Variants in N4BP2L1 observed in about 807,000 individuals in gnomAD.
N4BP2L1 encodes the protein NEDD4 binding protein 2 like 1.
In N4BP2L1, 12 loss-of-function variants were observed where a neutral mutation model predicts 21.2. The observed-to-expected ratio is 0.57, with a 90% CI of 0.36 to 0.92. The LOEUF is 0.92. N4BP2L1 is among the 40% of genes least tolerant of loss of function. The pLI, the probability that N4BP2L1 is intolerant of heterozygous loss-of-function variation, is 0.01. For missense variants in N4BP2L1, 259 were observed against 310.6 expected, an observed-to-expected ratio of 0.83 and a Z score of 1.25; for synonymous variants, 104 against 112.8, an observed-to-expected ratio of 0.92 and a Z score of 0.49.
chr13:32,413,932 A>T lies in N4BP2L1; in HGVS notation c.180-6160T>A, dbSNP rs1385302537. Reference sequence around the variant, plus strand: ...AGTCTCACTCTGTCACCCAGGCTGGAGTGCAGTGGCGCGATCTCAGCTCAC... The same window carrying T: ...AGTCTCACTCTGTCACCCAGGCTGGTGTGCAGTGGCGCGATCTCAGCTCAC... On this transcript the variant is annotated intron_variant, in intron 1 of 4. Coordinates refer to ENST00000380130, the MANE Select transcript of N4BP2L1 (RefSeq NM_052818.3). Among the ~76,000 whole-genome samples, 6 of 122,946 alleles carry T rather than the reference A, an allele frequency of 4.9e-5. No individual in the cohort carries two copies. In the Admixed American group the frequency reaches 6.5e-4, roughly 13 times the overall value. The allele number at this position is 122,946 out of a possible 152,430, so 80.7% of individuals were successfully genotyped here. A position where few individuals can be genotyped will look rare whatever the true frequency, so the allele number is the denominator to read the frequency against.
intron 1 of N4BP2L1, among the ~76,000 whole-genome samples, chr13:32,421,840 T>C (rs1347202354): frequency 7.2e-5 from 11 of 152,206 alleles, no homozygotes; most frequent in Non-Finnish European, 1.3e-4. Context: ...TATCTTCAGA[T>C]AACTTGGCGT....
intron 1 of N4BP2L1, among the ~76,000 whole-genome samples, chr13:32,410,881 A>G (rs896819913): frequency 2.0e-5 from 3 of 151,934 alleles, no homozygotes; most frequent in African/African-American, 7.3e-5. Context: ...TCCCTTCTAA[A>G]TCTGGTTTCA....
intron 1 of N4BP2L1, chr13:32,419,513 C>G (rs1423300546): frequency 9.9e-6 from 3 of 302,946 alleles, no homozygotes; most frequent in Non-Finnish European, 1.9e-5. Context: ...TTCAGGTGAT[C>G]TGCCTGCCTT....
At chr13:32,428,150 T>C (rs1024329535), upstream of N4BP2L1, 7 of 1,369,650 alleles carry the variant, frequency 5.1e-6, no homozygotes, top group East Asian at 2.8e-5. Context: ...GCCAAAGCTG[T>C]TGTTTTTGTG....
At chr13:32,429,486 T>G (rs2074935718), upstream of N4BP2L1, among the ~76,000 whole-genome samples, 1 of 152,264 alleles carries the variant, frequency 6.6e-6, no homozygotes, top group Admixed American at 6.5e-5. Context: ...TATCATAATT[T>G]GCCCAGCTTC....
Position 32,402,080 on chromosome 13 carries a change from CCAAA to C in N4BP2L1, c.*858_*861del. Reference sequence around the variant, plus strand: ...CTGGGGTGCCTAATTTCTTGCACTCCCAAACATTTGAGCTGCCGACTAATTACAC... The same window carrying C: ...CTGGGGTGCCTAATTTCTTGCACTCCCATTTGAGCTGCCGACTAATTACAC... On this transcript the variant is annotated 3_prime_UTR_variant, in exon 5 of 5. Coordinates refer to ENST00000380130, the MANE Select transcript of N4BP2L1 (RefSeq NM_052818.3). The C allele has an allele frequency of 1.0e-6, 1 of 985,344 alleles. No homozygotes were observed. Among genetic ancestry groups the C allele is most frequent in the Non-Finnish European group, 1.2e-6 (1 of 829,908 alleles). 61.0% of individuals were successfully genotyped at this position (985,344 alleles called of 1,614,324 possible).
At chr13:32,414,916 C>G (rs369036369) in intron 1 of N4BP2L1, among the ~76,000 whole-genome samples, 1 of 152,102 alleles carries the variant, frequency 6.6e-6, no homozygotes, top group Non-Finnish European at 1.5e-5. Context: ...CTGTTGTCTT[C>G]GTATGAAAGA....
chr13:32,402,957 A>G lies in N4BP2L1; in HGVS notation c.717T>C (p.Cys239=). 6.2e-7 allele frequency: 1 copy of G among 1,601,572 alleles called. No individual in the cohort carries two copies. The highest frequency in any genetic ancestry group is 8.5e-7 in the Non-Finnish European group (1 of 1,171,816). The change falls in exon 5 of 5, where the codon TGT becomes TGC. Residue 239 remains cysteine (C), a synonymous_variant. Transcript: ENST00000380130. ...NESSYHRRGG[C]HHGY ...AGATAGGCCTCTAATATCCATGGTG[A>G]CAACCGCCCCTTCTGTGATAGGAGC...
chr13:32,428,030 T>C lies in N4BP2L1; in HGVS notation c.53A>G (p.Gln18Arg). The C allele has an allele frequency of 1.3e-6, 2 of 1,554,930 alleles. No individual in the cohort carries two copies. The highest frequency in any genetic ancestry group is 2.3e-5 in the South Asian group (2 of 85,538). The change falls in exon 1 of 5, where the codon CAG becomes CGG. Residue 18 changes from glutamine (Q) to arginine (R), a missense_variant. Physicochemically the swap from Gln to Arg is conservative, Grantham distance 43. Around this residue, in one of 3 missense-constraint regions of N4BP2L1, gnomAD observed 60 missense variants for 54.7 expected, o/e 1.10. Transcript: ENST00000380130. ...GGGCGGCCGCTGCCGCTGCTGCTGC[T>C]GCTGGGGCTGGAGGCTCAGCCTCCC... The part of the protein sequence containing the change: ...SFGRLSLQPQ[Q>R]QQQRQRPPRP...
chr13:32,408,103 T>C (rs17077542), intron 1 of N4BP2L1, among the ~76,000 whole-genome samples: 6,747 of 152,196 alleles, frequency 0.044, 477 homozygotes, highest in African/African-American at 0.15. Flanking sequence ...ACTGTCTTTC[T>C]TCCTGGGCAC....
Position 32,402,922 on chromosome 13 carries a change from C to A in N4BP2L1, c.*20G>T. On this transcript the variant is annotated 3_prime_UTR_variant, in exon 5 of 5. Transcript: ENST00000380130. ...TAGAAACTGACTTAGGAAAATTCTGCCTGGCTGTAAGATAGGCCTCTAATA... is the reference window on the plus strand; with the variant it reads ...TAGAAACTGACTTAGGAAAATTCTGACTGGCTGTAAGATAGGCCTCTAATA... 1 of 1,527,016 alleles carries A rather than the reference C, an allele frequency of 6.5e-7. No homozygotes were observed. The highest frequency in any genetic ancestry group is 8.8e-7 in the Non-Finnish European group (1 of 1,135,124). The allele number at this position is 1,527,016 out of a possible 1,614,324, so 94.6% of individuals were successfully genotyped here.
At chr13:32,412,340 T>TG (rs1289971446) in intron 1 of N4BP2L1, among the ~76,000 whole-genome samples, 9 of 152,012 alleles carry the variant, frequency 5.9e-5, no homozygotes, top group African/African-American at 2.2e-4. Context: ...TGAAAGTAAA[T>TG]TGCAGGCCGG....
intron 3 of N4BP2L1, among the ~76,000 whole-genome samples, chr13:32,405,892 C>CCTTTTTTTTTTTTTTTTTTTTTTTTTTTT (rs2073452557): frequency 9.9e-6 from 1 of 101,192 alleles, no homozygotes; most frequent in African/African-American, 4.5e-5. Flanking sequence ...TTCCTGCCCC[C>CCTTTTTTTTTTTTTTTTTTTTTTTTTTTT]TTTTTTTTTT....
At chr13:32,426,935 G>C (rs2074798515) in intron 1 of N4BP2L1, among the ~76,000 whole-genome samples, 1 of 152,194 alleles carries the variant, frequency 6.6e-6, no homozygotes, top group African/African-American at 2.4e-5. Flanking sequence ...GGTCTTAAAA[G>C]GCAAAAGAAG....
At chr13:32,412,402 G>A (rs920747234) in intron 1 of N4BP2L1, among the ~76,000 whole-genome samples, 10 of 151,968 alleles carry the variant, frequency 6.6e-5, no homozygotes, top group Non-Finnish European at 1.0e-4. Context: ...CAAGACGGGC[G>A]GATCACTTGA....
chr13:32,411,851 A>C, intron 1 of N4BP2L1: 1 of 895,270 alleles, frequency 1.1e-6, no homozygotes, highest in South Asian at 5.1e-5. Context: ...CAGACATTGC[A>C]TGTAATTTTA....
rs779179070 is a variant in N4BP2L1 at position 32,403,169 on chromosome 13, T to G, written c.505A>C (p.Ile169Leu). The change falls in exon 5 of 5, where the codon ATC becomes CTC. Residue 169 changes from isoleucine to leucine, a missense_variant. Ile to Leu is a conservative substitution (Grantham distance 5). Around this residue, in one of 3 missense-constraint regions of N4BP2L1, gnomAD observed 108 missense variants for 107.8 expected, o/e 1.00. Coordinates refer to ENST00000380130, the MANE Select transcript of N4BP2L1 (RefSeq NM_052818.3). ...TCATACCGTTCTTTCATTCGGTGGA[T>G]TTTTTCTCTTGAGACACCATGAATG... is the stretch of plus-strand genomic sequence containing the variant. ...RNIHGVSREKIHRMKERYEHD... is the reference protein window; with the variant it reads ...RNIHGVSREKLHRMKERYEHD... The G allele has an allele frequency of 6.2e-7, 1 of 1,608,828 alleles. No homozygotes were observed. Among genetic ancestry groups the G allele is most frequent in the African/African-American group, 1.3e-5 (1 of 74,720 alleles).
chr13:32,424,579 C>T (rs901143156), intron 1 of N4BP2L1, among the ~76,000 whole-genome samples: 2 of 152,226 alleles, frequency 1.3e-5, no homozygotes, highest in African/African-American at 4.8e-5. Flanking sequence ...GGACACCCAC[C>T]TCGGCCTCCC....
intron 1 of N4BP2L1, among the ~76,000 whole-genome samples, chr13:32,426,156 G>A (rs1459092220): frequency 6.6e-6 from 1 of 152,160 alleles, no homozygotes; most frequent in Non-Finnish European, 1.5e-5. Context: ...TGTGTATCTT[G>A]CACCCATCAT....
Sources: gnomAD v4.1 joint callset for allele counts (sites outside exome capture counted in the v4.1 genomes callset) on GRCh38, gnomAD v4.1.1 for gene constraint, gnomAD v4.1.1 regional missense constraint, MANE v1.5 for transcripts, NCBI Gene and HGNC (gene_info 2026-07-23, HGNC 2026-07-21) for gene names.